Variants in CAMSAP2 observed in about 807,000 individuals in gnomAD.
CAMSAP2 encodes the protein calmodulin regulated spectrin associated protein family member 2.
A neutral mutation model predicts 146.1 loss-of-function variants in CAMSAP2; 26 were observed. The ratio of observed to expected loss-of-function variants is 0.18; its 90% CI spans 0.13 to 0.25. The LOEUF (loss-of-function observed/expected upper bound fraction) is 0.25. Ranked by LOEUF, CAMSAP2 falls within the 10% of genes least tolerant of loss-of-function variation. The pLI is 1.00. For synonymous variants in CAMSAP2, 499 were observed against 596.6 expected, an observed-to-expected ratio of 0.84 and a Z score of 2.38; for missense variants, 1,381 against 1,759.3, an observed-to-expected ratio of 0.78 and a Z score of 3.85.
Position 200,782,585 on chromosome 1 carries a change from T to C in CAMSAP2, c.399+21487T>C, listed in dbSNP as rs921324762. 2.6e-5 allele frequency among the ~76,000 whole-genome samples: 4 copies of C among 152,106 alleles called. No individual in the cohort carries two copies. The East Asian group carries it at 7.7e-4, about 29-fold the overall frequency. ...CACGAACTCTTTTTTTACTAGATTC[T>C]TTTGCTCATATTTTTGAGATTCATC... On this transcript the variant is annotated intron_variant, in intron 2 of 16. Coordinates refer to ENST00000358823, the MANE Select transcript of CAMSAP2 (RefSeq NM_203459.4).
Position 200,745,605 on chromosome 1 carries a change from C to T in CAMSAP2, c.139+5639C>T, listed in dbSNP as rs1237072721. On this transcript the variant is annotated intron_variant, in intron 1 of 16. Transcript: ENST00000358823. ...AATTAGAGTCTAAGCCTTTGTGATA[C>T]TGAAATTTGTATCTTAACCTCTGAG... Among the ~76,000 whole-genome samples the T allele has an allele frequency of 3.9e-5, 6 of 152,250 alleles. No individual in the cohort carries two copies. In the East Asian group the frequency reaches 1.2e-3, roughly 29 times the overall value.
chr1:200,856,173 A>ATTTATGAGTGTGT, intron 15 of CAMSAP2, 48 bp downstream of exon 15: 4 of 1,355,000 alleles, frequency 3.0e-6, no homozygotes, highest in South Asian at 1.2e-5. Context: ...TAACACACTC[A>ATTTATGAGTGTGT]TAAATGGAGG....
intron 2 of CAMSAP2, among the ~76,000 whole-genome samples, chr1:200,795,463 A>C (rs905578760): frequency 6.6e-6 from 1 of 152,124 alleles, no homozygotes; most frequent in African/African-American, 2.4e-5. Flanking sequence ...TCCTTTGTTT[A>C]CTATATTGGT....
intron 4 of CAMSAP2, among the ~76,000 whole-genome samples, chr1:200,820,841 C>T (rs1218474301): frequency 6.6e-6 from 1 of 152,180 alleles, no homozygotes; most frequent in Non-Finnish European, 1.5e-5. Flanking sequence ...GATCTTTGAA[C>T]TGTTTTATAA....
intron 2 of CAMSAP2, among the ~76,000 whole-genome samples, chr1:200,800,492 CT>C (rs61364544): frequency 1.3e-5 from 2 of 150,632 alleles, no homozygotes; most frequent in Non-Finnish European, 3.0e-5. Flanking sequence ...GCAACCCTTG[CT>C]TTTTTTTTGC....
At chr1:200,843,240 TAAAAG>T (rs1211809495) in intron 7 of CAMSAP2, among the ~76,000 whole-genome samples, 1 of 151,776 alleles carries the variant, frequency 6.6e-6, no homozygotes, top group African/African-American at 2.4e-5. Flanking sequence ...CCCCAAAAAA[TAAAAG>T]AAGAGAAAGT....
Position 200,853,628 on chromosome 1 carries a change from A to T in CAMSAP2, c.3823+133A>T. The T allele has an allele frequency of 1.5e-6, 1 of 663,482 alleles. No individual in the cohort carries two copies. Among genetic ancestry groups the T allele is most frequent in the South Asian group, 2.0e-5 (1 of 50,228 alleles). The allele number at this position is 663,482 out of a possible 1,614,324, so 41.1% of individuals were successfully genotyped here. A position where few individuals can be genotyped will look rare whatever the true frequency, so the allele number is the denominator to read the frequency against. ...AGATTGTGCATGCTCCCTTTTGGAA[A>T]ACCAAAATGAGCAAATGAAGTTTTT... is the stretch of plus-strand genomic sequence containing the variant. On this transcript the variant is annotated intron_variant, in intron 13 of 16. Coordinates refer to ENST00000358823, the MANE Select transcript of CAMSAP2 (RefSeq NM_203459.4). The surrounding 1 kb of genome is among the most constrained non-coding windows in gnomAD (Gnocchi z 5.1).
chr1:200,854,436 G>C (rs189234693), intron 13 of CAMSAP2, among the ~76,000 whole-genome samples: 29 of 152,248 alleles, frequency 1.9e-4, no homozygotes, highest in Non-Finnish European at 5.9e-5. Flanking sequence ...ACTGTTTAAA[G>C]AGAACTCTGT....
intron 1 of CAMSAP2, 77 bp from the exon 2 acceptor site, chr1:200,760,758 CATAA>C (rs1261569841): frequency 7.9e-6 from 8 of 1,018,316 alleles, no homozygotes; most frequent in East Asian, 2.7e-5. Flanking sequence ...AATTCTATGA[CATAA>C]ATAATAATTA....
intron 1 of CAMSAP2, among the ~76,000 whole-genome samples, chr1:200,740,232 A>G (rs1664122894): frequency 1.3e-5 from 2 of 151,798 alleles, no homozygotes; most frequent in East Asian, 1.9e-4. Context: ...CCAGTGAGCA[A>G]TTTTATGTTT....
chr1:200,753,168 C>T (rs956074256), intron 1 of CAMSAP2, among the ~76,000 whole-genome samples: 3 of 151,706 alleles, frequency 2.0e-5, no homozygotes, highest in Non-Finnish European at 4.4e-5. Flanking sequence ...TTACTTGGTC[C>T]GTGCTTGTGG....
At chr1:200,814,147 C>CGGGGGGGAGGGGTGGGT (rs1316609882) in intron 3 of CAMSAP2, among the ~76,000 whole-genome samples, 2 of 3,162 alleles carry the variant, frequency 6.3e-4, no homozygotes, top group South Asian at 9.8e-3. Flanking sequence ...GAGGGGTGGG[C>CGGGGGGGAGGGGTGGGT]GGGTGGGGAA....
At chr1:200,782,837 C>G (rs894183764) in intron 2 of CAMSAP2, among the ~76,000 whole-genome samples, 5 of 121,352 alleles carry the variant, frequency 4.1e-5, no homozygotes, top group Non-Finnish European at 8.0e-5. Flanking sequence ...GTCATCCAGG[C>G]TAGAGTACAG....
chr1:200,757,039 CTT>C (rs1664673811), intron 1 of CAMSAP2, among the ~76,000 whole-genome samples: 1 of 152,080 alleles, frequency 6.6e-6, no homozygotes, highest in Admixed American at 6.5e-5. Context: ...ATCTTTATGT[CTT>C]TTGGTTAATT....
At chr1:200,846,674 C>G (rs1342071087) in intron 8 of CAMSAP2, among the ~76,000 whole-genome samples, 1 of 152,112 alleles carries the variant, frequency 6.6e-6, no homozygotes, top group African/African-American at 2.4e-5. Context: ...AATGTAGCCA[C>G]ATCTCAAATG....
intron 4 of CAMSAP2, among the ~76,000 whole-genome samples, chr1:200,821,575 G>A (rs896381559): frequency 6.6e-6 from 1 of 152,124 alleles, no homozygotes; most frequent in Admixed American, 6.6e-5. Flanking sequence ...TGGCCAGGCT[G>A]GTCTCAAACT....
At chr1:200,854,689 A>G (rs1571836203) in intron 13 of CAMSAP2, 128 bp from the exon 14 acceptor site, 2 of 582,358 alleles carry the variant, frequency 3.4e-6, no homozygotes, top group East Asian at 5.7e-5. Flanking sequence ...GAGAAAAGGA[A>G]AAGAAACTAC....
chr1:200,739,886 A>G lies in CAMSAP2; in HGVS notation c.59A>G (p.Lys20Arg). 1 of 1,614,194 alleles carries G rather than the reference A, an allele frequency of 6.2e-7. No homozygotes were observed. The highest frequency in any genetic ancestry group is 8.5e-7 in the Non-Finnish European group (1 of 1,180,038). Residue 20 changes from lysine (K) to arginine (R), a missense_variant, in exon 1 of 17, where the codon AAG (lysine) becomes AGG (arginine). Physicochemically the swap from Lys to Arg is conservative, Grantham distance 26 (BLOSUM62 2). This residue lies in a region of CAMSAP2 where 284 missense variants were observed against 406.9 expected (regional missense o/e 0.70). Transcript: ENST00000358823. The surrounding 1 kb of genome is among the most constrained non-coding windows in gnomAD (Gnocchi z 4.8). Reference protein sequence around the residue: ...MRKTFIVPAIKPFDHYDFSRA... With the variant: ...MRKTFIVPAIRPFDHYDFSRA... ...AAGACGTTCATTGTTCCAGCCATCA[A>G]GCCTTTTGACCACTATGATTTCTCC...
At position 200,739,237 on chromosome 1, in the gene CAMSAP2, A is replaced by G. The variant is rs930225569; in HGVS notation, c.-591A>G. Among the ~76,000 whole-genome samples, 1 of 151,984 alleles carries G rather than the reference A, an allele frequency of 6.6e-6. No individual in the cohort carries two copies. Among genetic ancestry groups the G allele is most frequent in the East Asian group, 2.0e-4 (1 of 5,106 alleles). ...TTCCGCTGCTGCGTCTCCGGCGGGC[A>G]GGGGCCGGGCTGCGCTGGGTGGGCC... On this transcript the variant is annotated 5_prime_UTR_variant, in exon 1 of 17. Coordinates refer to ENST00000358823, the MANE Select transcript of CAMSAP2 (RefSeq NM_203459.4). This position sits in a 1 kb window ranked among gnomAD's most constrained non-coding sequence, Gnocchi z 4.8.
Sources: gnomAD v4.1 joint callset for allele counts (sites outside exome capture counted in the v4.1 genomes callset) on GRCh38, gnomAD v4.1.1 for gene constraint, gnomAD v4.1.1 regional missense constraint, Gnocchi (gnomAD v3.1) non-coding constraint, MANE v1.5 for transcripts, NCBI Gene and HGNC (gene_info 2026-07-23, HGNC 2026-07-21) for gene names.